Variants in ACOT7 observed in about 807,000 individuals in gnomAD.
ACOT7 encodes the protein cytosolic acyl coenzyme A thioester hydrolase.
In ACOT7, 12 loss-of-function variants were observed where a neutral mutation model predicts 40.2. The observed-to-expected ratio is 0.30, with a 90% CI of 0.19 to 0.48. The LOEUF (loss-of-function observed/expected upper bound fraction) is 0.48, where lower values mean the gene tolerates loss of function less well. ACOT7 is among the 20% of genes least tolerant of loss of function. The pLI is 0.99. For synonymous variants in ACOT7, 228 were observed against 219.5 expected, an observed-to-expected ratio of 1.04 and a Z score of -0.34; for missense variants, 395 against 530.8, an observed-to-expected ratio of 0.74 and a Z score of 2.51.
At chr1:6,269,408 C>T (rs557752760) in intron 8 of ACOT7, among the ~76,000 whole-genome samples, 13 of 151,954 alleles carry the variant, frequency 8.6e-5, no homozygotes, top group South Asian at 2.1e-4. Context: ...CAGGCGGGGG[C>T]CCTGCCCTGC....
At chr1:6,341,125 A>G (rs1641265788) in intron 2 of ACOT7, among the ~76,000 whole-genome samples, 1 of 151,964 alleles carries the variant, frequency 6.6e-6, no homozygotes, top group South Asian at 2.1e-4. Flanking sequence ...CCGTGTTGTG[A>G]CATGGCTCTT....
chr1:6,387,296 C>T (rs1210367414), intron 1 of ACOT7, among the ~76,000 whole-genome samples: 1 of 152,056 alleles, frequency 6.6e-6, no homozygotes, highest in East Asian at 1.9e-4. Context: ...CTTGTGTATG[C>T]ATTCTAAATC....
chr1:6,351,091 GAAACCCACCATC>G (rs1169021748), intron 1 of ACOT7, among the ~76,000 whole-genome samples: 4 of 152,226 alleles, frequency 2.6e-5, no homozygotes, highest in Non-Finnish European at 4.4e-5. Flanking sequence ...GAAGCTCCAA[GAAACCCACCATC>G]TGGCCACAGG....
chr1:6,326,833 G>A (rs578147193), intron 5 of ACOT7, among the ~76,000 whole-genome samples: 1 of 151,848 alleles, frequency 6.6e-6, no homozygotes, highest in South Asian at 2.1e-4. Flanking sequence ...TCGGGAGGCT[G>A]AGGCAGGAGA....
intron 6 of ACOT7, chr1:6,295,231 C>T: frequency 2.7e-6 from 1 of 372,886 alleles, no homozygotes; most frequent in Non-Finnish European, 4.9e-6. Flanking sequence ...CTTTTCCTGT[C>T]CTCTACAGAT....
chr1:6,330,927 G>A lies in ACOT7; in HGVS notation c.510+2550C>T, dbSNP rs923737606. Among the ~76,000 whole-genome samples, 1 of 152,214 alleles carries A rather than the reference G, an allele frequency of 6.6e-6. No individual in the cohort carries two copies. Among genetic ancestry groups the A allele is most frequent in the South Asian group, 2.1e-4 (1 of 4,828 alleles). On this transcript the variant is annotated intron_variant, in intron 4 of 8. Coordinates refer to ENST00000361521, the MANE Select transcript of ACOT7 (RefSeq NM_007274.4). This position sits in a 1 kb window ranked among gnomAD's most constrained non-coding sequence, Gnocchi z 4.6. ...TGGGTAGCATCTGAAAATTAAATCC[G>A]TTAAATGCTATGTCTCAATATTTAC... is the stretch of plus-strand genomic sequence containing the variant.
rs1639375608 is a variant in ACOT7, at chr1:6,282,124, C to T, written c.830-838G>A. On this transcript the variant is annotated intron_variant, in intron 7 of 8. Transcript: ENST00000361521. This position sits in a 1 kb window ranked among gnomAD's most constrained non-coding sequence, Gnocchi z 4.5. ...CGCTCCCCAGGGCACGACAGTCCAT[C>T]CTGGCAGAAGCTTCCTGACCCAGAG... Among the ~76,000 whole-genome samples, 1 of 152,150 alleles carries T rather than the reference C, an allele frequency of 6.6e-6. No homozygotes were observed. Among genetic ancestry groups the T allele is most frequent in the Admixed American group, 6.5e-5 (1 of 15,276 alleles).
intron 4 of ACOT7, 55 bp from the exon 5 acceptor site, chr1:6,327,468 G>C (rs6577571): frequency 0.034 from 52,056 of 1,552,666 alleles, 3,936 homozygotes; most frequent in African/African-American, 0.3. Flanking sequence ...TCCTCCCCTC[G>C]CTGGGCGGCC....
intron 2 of ACOT7, among the ~76,000 whole-genome samples, chr1:6,343,054 C>A (rs945360844): frequency 6.6e-5 from 10 of 152,218 alleles, no homozygotes; most frequent in Non-Finnish European, 2.9e-5. Flanking sequence ...GAGGAGCCCT[C>A]AGGCTTCCCA....
Position 6,264,710 on chromosome 1 carries a change from C to G in ACOT7, c.1015-15G>C. On this transcript the variant is annotated splice_polypyrimidine_tract_variant and intron_variant, in intron 8 of 8. Transcript: ENST00000361521. ...TCGGTCTCGGGCTGTGGACCACACA[C>G]AGAGACAGGCAGGTTAGGGTCACTG... 6.2e-7 allele frequency: 1 copy of G among 1,611,874 alleles called. No individual in the cohort carries two copies. The highest frequency in any genetic ancestry group is 8.5e-7 in the Non-Finnish European group (1 of 1,179,508).
At chr1:6,285,745 T>C (rs142875792) in intron 7 of ACOT7, among the ~76,000 whole-genome samples, 1 of 151,782 alleles carries the variant, frequency 6.6e-6, no homozygotes, top group Non-Finnish European at 1.5e-5. Flanking sequence ...CCTGCAGACC[T>C]GGCGTGTCAC....
At chr1:6,319,250 T>C (rs1640578156) in intron 5 of ACOT7, among the ~76,000 whole-genome samples, 1 of 152,264 alleles carries the variant, frequency 6.6e-6, no homozygotes, top group Non-Finnish European at 1.5e-5. Flanking sequence ...TGAAGTGCAG[T>C]GGCACAATCT....
intron 1 of ACOT7, among the ~76,000 whole-genome samples, chr1:6,388,231 T>C (rs546443559): frequency 0.025 from 3,824 of 151,960 alleles, 147 homozygotes; most frequent in African/African-American, 0.088. Context: ...GCCTGCAGCC[T>C]CCCCAGCAGC....
At chr1:6,273,005 C>G (rs1390502909) in intron 8 of ACOT7, among the ~76,000 whole-genome samples, 1 of 152,184 alleles carries the variant, frequency 6.6e-6, no homozygotes, top group Non-Finnish European at 1.5e-5. Flanking sequence ...TGTTGTATGC[C>G]CCCCAGGCCT....
chr1:6,344,459 C>A (rs1269129766), intron 2 of ACOT7, among the ~76,000 whole-genome samples: 2 of 152,132 alleles, frequency 1.3e-5, no homozygotes, highest in African/African-American at 2.4e-5. Context: ...TCTCTCCCAG[C>A]TTAACATACT....
intron 6 of ACOT7, among the ~76,000 whole-genome samples, chr1:6,315,490 GC>G (rs533464337): frequency 6.6e-6 from 1 of 152,252 alleles, no homozygotes; most frequent in South Asian, 2.1e-4. Context: ...GGTGGCTCAT[GC>G]CTGTAATCCC....
In ACOT7 at chr1:6,294,622, T is replaced by C. The variant is rs1639761776; in HGVS notation, c.829+242A>G. ...GTGGAGCGTTTTCAGAGGGTGAGTTTAGGCAGGTCTTTAGGAGGATAATGG... is the reference window on the plus strand; with the variant it reads ...GTGGAGCGTTTTCAGAGGGTGAGTTCAGGCAGGTCTTTAGGAGGATAATGG... On this transcript the variant is annotated intron_variant, in intron 7 of 8. Coordinates refer to ENST00000361521, the MANE Select transcript of ACOT7 (RefSeq NM_007274.4). The surrounding 1 kb of genome is among the most constrained non-coding windows in gnomAD (Gnocchi z 4.6). Among the ~76,000 whole-genome samples, 1 of 152,230 alleles carries C rather than the reference T, an allele frequency of 6.6e-6. No individual in the cohort carries two copies. Among genetic ancestry groups the C allele is most frequent in the African/African-American group, 2.4e-5 (1 of 41,458 alleles).
At chr1:6,292,942 T>G (rs1055164917) in intron 7 of ACOT7, among the ~76,000 whole-genome samples, 12 of 146,812 alleles carry the variant, frequency 8.2e-5, no homozygotes, top group South Asian at 2.2e-4. Context: ...CAGCCTGGAG[T>G]GCAGTGGCGC....
intron 6 of ACOT7, among the ~76,000 whole-genome samples, chr1:6,307,097 T>C (rs574866012): frequency 3.5e-4 from 54 of 152,296 alleles, no homozygotes; most frequent in Middle Eastern, 3.4e-3. Flanking sequence ...GACACCTGCA[T>C]GGATGTTTGT....
Sources: gnomAD v4.1 joint callset for allele counts (sites outside exome capture counted in the v4.1 genomes callset) on GRCh38, gnomAD v4.1.1 for gene constraint, Gnocchi (gnomAD v3.1) non-coding constraint, MANE v1.5 for transcripts, NCBI Gene and HGNC (gene_info 2026-07-23, HGNC 2026-07-21) for gene names.